The following MAN1A1 variants were observed in gnomAD, a reference collection of about 807,000 sequenced individuals.
MAN1A1 encodes mannosyl-oligosaccharide 1,2-alpha-mannosidase IA.
A neutral mutation model predicts 70.8 loss-of-function variants in MAN1A1; 29 were observed. The ratio of observed to expected loss-of-function variants is 0.41; its 90% CI spans 0.31 to 0.56. The LOEUF is 0.56. Among genes scored for constraint, MAN1A1 ranks in the 20% least tolerant of loss-of-function variants. The pLI is 0.29. For missense variants in MAN1A1, 747 were observed against 841.3 expected (o/e 0.89, Z 1.39); for synonymous variants, 349 against 330.1 (o/e 1.06, Z -0.62).
At chr6:119,320,130 C>T (rs1234278515) in intron 2 of MAN1A1, among the ~76,000 whole-genome samples, 1 of 152,072 alleles carries the variant, frequency 6.6e-6, no homozygotes, top group African/African-American at 2.4e-5. Flanking sequence ...CTCACCACCA[C>T]GCCTGGCTAA....
chr6:119,332,646 G>T (rs1022675498), intron 2 of MAN1A1, among the ~76,000 whole-genome samples: 2 of 152,028 alleles, frequency 1.3e-5, no homozygotes, highest in African/African-American at 2.4e-5. Flanking sequence ...GTGAAACCTG[G>T]TCTCTACCAA....
At chr6:119,234,840 C>CA (rs1194558746) in intron 6 of MAN1A1, among the ~76,000 whole-genome samples, 9 of 152,190 alleles carry the variant, frequency 5.9e-5, no homozygotes, top group Admixed American at 5.9e-4. Flanking sequence ...AGGTCTGTGG[C>CA]AACCCTGTGT....
chr6:119,320,145 TG>T (rs1455332708), intron 2 of MAN1A1, among the ~76,000 whole-genome samples: 4 of 152,120 alleles, frequency 2.6e-5, no homozygotes, highest in Non-Finnish European at 4.4e-5. Flanking sequence ...GGCTAATTTT[TG>T]TATTTTTAGT....
At chr6:119,289,206 T>C (rs997151712) in intron 5 of MAN1A1, among the ~76,000 whole-genome samples, 1 of 151,922 alleles carries the variant, frequency 6.6e-6, no homozygotes, top group African/African-American at 2.4e-5. Flanking sequence ...TTTCTTTGTA[T>C]GCTTTATTAT....
rs141907190 is a variant in MAN1A1 at position 119,190,893 on chromosome 6, C to T, written c.1327-1010G>A. On this transcript the variant is annotated intron_variant, in intron 9 of 12. Coordinates refer to ENST00000368468, the MANE Select transcript of MAN1A1 (RefSeq NM_005907.4). Reference sequence around the variant, plus strand: ...AACAGAAAATGTTCTCCCCACTGCCCCACAATTACTTCATGGAAGGAAAAA... The same window carrying T: ...AACAGAAAATGTTCTCCCCACTGCCTCACAATTACTTCATGGAAGGAAAAA... Among the ~76,000 whole-genome samples, 849 of 152,200 alleles carry T rather than the reference C, an allele frequency of 5.6e-3. 10 individuals are homozygous for T. The highest frequency in any genetic ancestry group is 0.019 in the African/African-American group (802 of 41,528).
intron 4 of MAN1A1, among the ~76,000 whole-genome samples, chr6:119,300,005 T>C (rs1195710977): frequency 1.3e-5 from 2 of 152,180 alleles, no homozygotes; most frequent in African/African-American, 4.8e-5. Flanking sequence ...ATGCTACAAT[T>C]ACCAGATGGA....
intron 5 of MAN1A1, among the ~76,000 whole-genome samples, chr6:119,250,707 C>T (rs1223008475): frequency 1.3e-5 from 2 of 151,524 alleles, no homozygotes; most frequent in Non-Finnish European, 2.9e-5. Context: ...TGCCTCTTCC[C>T]CGACATACAC....
chr6:119,189,722 G>C lies in MAN1A1; in HGVS notation c.1488C>G (p.His496Gln), dbSNP rs1040832744. 2 of 1,614,102 alleles carry C rather than the reference G, an allele frequency of 1.2e-6. No homozygotes were observed. Among genetic ancestry groups the C allele is most frequent in the Non-Finnish European group, 1.7e-6 (2 of 1,180,030 alleles). ...CAATTTCAGCCCCGAGTTCAAGGTAGTGTTGGGCCATGCCTTCGGGAGCTG... is the reference window on the plus strand; with the variant it reads ...CAATTTCAGCCCCGAGTTCAAGGTACTGTTGGGCCATGCCTTCGGGAGCTG... ...ADAAPEGMAQ[H>Q]YLELGAEIAR... The change falls in exon 10 of 13, where the codon CAC (histidine) becomes CAG (glutamine). Residue 496 changes from histidine (H) to glutamine (Q), a missense_variant. His to Gln is a conservative substitution (Grantham distance 24). Coordinates refer to ENST00000368468, the MANE Select transcript of MAN1A1 (RefSeq NM_005907.4).
At chr6:119,289,163 A>G (rs2114414810) in intron 5 of MAN1A1, among the ~76,000 whole-genome samples, 1 of 152,056 alleles carries the variant, frequency 6.6e-6, no homozygotes, top group East Asian at 1.9e-4. Context: ...CTAATCAAAC[A>G]TGATGTATAT....
chr6:119,241,183 G>A (rs1168007623), intron 6 of MAN1A1, among the ~76,000 whole-genome samples: 1 of 152,194 alleles, frequency 6.6e-6, no homozygotes, highest in Non-Finnish European at 1.5e-5. Context: ...AAAAGGACAT[G>A]CAAACTCTGT....
At chr6:119,277,146 A>G (rs771733070) in intron 5 of MAN1A1, among the ~76,000 whole-genome samples, 7 of 152,242 alleles carry the variant, frequency 4.6e-5, no homozygotes, top group Non-Finnish European at 1.0e-4. Flanking sequence ...ATCAATTTAA[A>G]TGAATTTTCA....
intron 5 of MAN1A1, chr6:119,269,540 T>C: frequency 5.1e-6 from 1 of 195,978 alleles, no homozygotes; most frequent in Non-Finnish European, 1.1e-5. Context: ...TTCATCTACT[T>C]GTGAAGGAAG....
intron 5 of MAN1A1, among the ~76,000 whole-genome samples, chr6:119,274,405 T>C (rs925934384): frequency 6.6e-6 from 1 of 152,202 alleles, no homozygotes; most frequent in African/African-American, 2.4e-5. Flanking sequence ...TAAGTGCTTT[T>C]TGGAGTTCTC....
intron 5 of MAN1A1, among the ~76,000 whole-genome samples, chr6:119,261,036 T>C (rs923745041): frequency 7.1e-6 from 1 of 140,966 alleles, no homozygotes; most frequent in Non-Finnish European, 1.5e-5. Context: ...TGGAGTGCAG[T>C]GGTGCGATCT....
Position 119,213,575 on chromosome 6 carries a change from C to G in MAN1A1, c.993-8693G>C, listed in dbSNP as rs188063951. Among the ~76,000 whole-genome samples, 304 of 152,264 alleles carry G rather than the reference C, an allele frequency of 2.0e-3. 1 individual carries two copies. Among genetic ancestry groups the G allele is most frequent in the African/African-American group, 7.1e-3 (297 of 41,554 alleles). ...GAAACACCTTTATATAAAATATAGT[C>G]AGCGTTAAAGGACAATCTGCATATA... is the stretch of plus-strand genomic sequence containing the variant. On this transcript the variant is annotated intron_variant, in intron 6 of 12. Transcript: ENST00000368468.
At chr6:119,262,183 C>A (rs1775631172) in intron 5 of MAN1A1, among the ~76,000 whole-genome samples, 1 of 152,120 alleles carries the variant, frequency 6.6e-6, no homozygotes, top group South Asian at 2.1e-4. Context: ...CAGCAACACA[C>A]TGTTTAAAAA....
chr6:119,291,812 T>C (rs1772033118), intron 4 of MAN1A1, among the ~76,000 whole-genome samples: 1 of 152,068 alleles, frequency 6.6e-6, no homozygotes, highest in Non-Finnish European at 1.5e-5. Flanking sequence ...TGTTATACCA[T>C]GCTGAAATAG....
intron 6 of MAN1A1, among the ~76,000 whole-genome samples, chr6:119,212,403 CA>C (rs907190134): frequency 6.6e-6 from 1 of 152,094 alleles, no homozygotes; most frequent in Non-Finnish European, 1.5e-5. Context: ...TTCTGTTCAA[CA>C]GGTTAAAAAG....
intron 5 of MAN1A1, among the ~76,000 whole-genome samples, chr6:119,286,461 T>C (rs1259785044): frequency 6.6e-6 from 1 of 152,128 alleles, no homozygotes; most frequent in East Asian, 1.9e-4. Context: ...AATTTGGCAG[T>C]ATTATATTTA....
Sources: allele counts gnomAD v4.1 joint callset (sites outside exome capture counted in the v4.1 genomes callset), GRCh38; gene constraint gnomAD v4.1.1; transcripts MANE v1.5; gene names NCBI Gene and HGNC (gene_info 2026-07-23, HGNC 2026-07-21).